CRISPLD2: variants seen among roughly 807,000 people sequenced by gnomAD.
CRISPLD2 encodes cysteine rich secretory protein LCCL domain containing 2, also known as cysteine-rich secretory protein LCCL domain-containing 2.
In CRISPLD2, 47 loss-of-function variants were observed where a neutral mutation model predicts 71.1. The observed-to-expected ratio is 0.66, with a 90% CI of 0.52 to 0.84. CRISPLD2 has a LOEUF of 0.84. Ranked by LOEUF, CRISPLD2 falls within the 40% of genes least tolerant of loss-of-function variation. CRISPLD2 has a pLI of 0.00. For missense variants in CRISPLD2, 830 were observed against 651.1 expected (o/e 1.27, Z -2.99); for synonymous variants, 317 against 250.1 (o/e 1.27, Z -2.52).
At chr16:84,856,399 G>A (rs2143236637) in intron 6 of CRISPLD2, among the ~76,000 whole-genome samples, 1 of 152,280 alleles carries the variant, frequency 6.6e-6, no homozygotes, top group African/African-American at 2.4e-5. Context: ...GGGAGGAGGA[G>A]CCCAAAGTGT....
At chr16:84,839,326 G>C (rs934569343) in intron 2 of CRISPLD2, 1 of 255,780 alleles carries the variant, frequency 3.9e-6, no homozygotes, top group Admixed American at 5.2e-5. Flanking sequence ...GCAGAGTGGG[G>C]AGGGGCCCAG....
intron 1 of CRISPLD2, chr16:84,828,385 C>T (rs1427155470): frequency 1.3e-5 from 2 of 152,318 alleles, no homozygotes; most frequent in South Asian, 2.1e-4. Context: ...CTCAGGGCCT[C>T]ATGCATGAGT....
intron 6 of CRISPLD2, among the ~76,000 whole-genome samples, chr16:84,860,869 C>G (rs1374017434): frequency 6.6e-6 from 1 of 152,194 alleles, no homozygotes; most frequent in Non-Finnish European, 1.5e-5. Context: ...GGAGATAAGA[C>G]TCACTCATGA....
intron 2 of CRISPLD2, among the ~76,000 whole-genome samples, chr16:84,840,697 G>A (rs949659289): frequency 2.6e-5 from 4 of 151,872 alleles, no homozygotes; most frequent in African/African-American, 7.3e-5. Flanking sequence ...TATTAGAGAC[G>A]GGGTTTCACC....
At chr16:84,863,964 A>C (rs1917463351) in intron 6 of CRISPLD2, among the ~76,000 whole-genome samples, 1 of 150,166 alleles carries the variant, frequency 6.7e-6, no homozygotes, top group African/African-American at 2.5e-5. Context: ...TCTCAAAAAA[A>C]AAAAAAAAAA....
At chr16:84,845,496 G>A (rs1916887522) in intron 2 of CRISPLD2, among the ~76,000 whole-genome samples, 1 of 152,212 alleles carries the variant, frequency 6.6e-6, no homozygotes, top group Non-Finnish European at 1.5e-5. Flanking sequence ...TACCCTCAGA[G>A]GTCACTCAGC....
At position 84,850,463 on chromosome 16, in the gene CRISPLD2, A is replaced by G. The variant is rs112959518; in HGVS notation, c.493-105A>G. 1,410 of 842,270 alleles carry G rather than the reference A, an allele frequency of 1.7e-3. 14 individuals carry two copies. The African/African-American group carries it at 0.021, about 12-fold the overall frequency. 52.2% of individuals were successfully genotyped at this position (842,270 alleles called of 1,614,324 possible). On this transcript the variant is annotated intron_variant, in intron 4 of 14. Transcript: ENST00000262424. ...CTAATATCTGCTTCCCCAACCCTTC[A>G]CCTCGTACCTCTTTAGTGCCAGCAC... is the stretch of plus-strand genomic sequence containing the variant.
chr16:84,863,907 A>C lies in CRISPLD2; in HGVS notation c.710-2990A>C, dbSNP rs143240096. 4.9e-3 allele frequency among the ~76,000 whole-genome samples: 715 copies of C among 146,606 alleles called. 5 individuals are homozygous for C. The highest frequency in any genetic ancestry group is 0.017 in the African/African-American group (660 of 39,226). ...GGGCGGCGGAGGTTGCAGTGAGCCG[A>C]GATCACACCATTGCACTCCAGCCTG... On this transcript the variant is annotated intron_variant, in intron 6 of 14. Transcript: ENST00000262424.
At chr16:84,850,492 A>G in intron 4 of CRISPLD2, 76 bp from the exon 5 acceptor site, 2 of 1,206,720 alleles carry the variant, frequency 1.7e-6, no homozygotes, top group East Asian at 2.3e-5. Context: ...CCAGCACCTT[A>G]TACATCCAGG....
At chr16:84,903,727 G>C (rs767189425) in intron 14 of CRISPLD2, among the ~76,000 whole-genome samples, 9 of 152,218 alleles carry the variant, frequency 5.9e-5, no homozygotes, top group Non-Finnish European at 1.3e-4. Context: ...TGCCAAAGCA[G>C]GATGCATGGG....
Position 84,908,610 on chromosome 16 carries a change from C to T in CRISPLD2, c.*1968C>T, listed in dbSNP as rs1204211542. ...CATTTAAAAATAAAGTCCCCGGGTT[C>T]CTTAATGCCTCCTTCACTGGGCCTT... On this transcript the variant is annotated 3_prime_UTR_variant, in exon 15 of 15. Transcript: ENST00000262424. The T allele has an allele frequency of 6.6e-6, 1 of 151,862 alleles. No homozygotes were observed. Among genetic ancestry groups the T allele is most frequent in the Non-Finnish European group, 1.5e-5 (1 of 68,000 alleles). The allele number at this position is 151,862 out of a possible 1,614,324, so 9.4% of individuals were successfully genotyped here.
chr16:84,838,953 A>G (rs1312167637), intron 2 of CRISPLD2: 4 of 708,658 alleles, frequency 5.6e-6, no homozygotes, highest in Admixed American at 2.0e-5. Context: ...CAATGGCACA[A>G]TCGTCATGCC....
At chr16:84,869,075 A>C (rs576316439) in intron 8 of CRISPLD2, among the ~76,000 whole-genome samples, 164 bp downstream of exon 8, 1 of 152,296 alleles carries the variant, frequency 6.6e-6, no homozygotes, top group East Asian at 1.9e-4. Context: ...GTGTCTGGGC[A>C]TGTGTTCGCC....
At chr16:84,880,906 T>C (rs1021150271) in intron 13 of CRISPLD2, among the ~76,000 whole-genome samples, 1 of 152,106 alleles carries the variant, frequency 6.6e-6, no homozygotes, top group Non-Finnish European at 1.5e-5. Flanking sequence ...GGTTTCACCA[T>C]GTTGGCCAGG....
Position 84,846,030 on chromosome 16 carries a change from A to G in CRISPLD2, c.359+126A>G, listed in dbSNP as rs554013174. ...GAGAGAGACCACCCGTCCCATCGATATTCTGGGAAACTGAGGCTTGGCATC... is the reference window on the plus strand; with the variant it reads ...GAGAGAGACCACCCGTCCCATCGATGTTCTGGGAAACTGAGGCTTGGCATC... On this transcript the variant is annotated intron_variant, in intron 3 of 14. Transcript: ENST00000262424. 8 of 605,682 alleles carry G rather than the reference A, an allele frequency of 1.3e-5. No individual in the cohort carries two copies. In the East Asian group the frequency reaches 2.3e-4, roughly 18 times the overall value. The allele number at this position is 605,682 out of a possible 1,614,324, so 37.5% of individuals were successfully genotyped here.
chr16:84,850,682 A>T lies in CRISPLD2; in HGVS notation c.607A>T (p.Lys203Ter). ...AVYFVCNYSPKGNWIGEAPYK... is the reference protein window; with the variant it reads ...AVYFVCNYSP ...CTACTTTGTCTGCAATTATTCTCCA[A>T]AGTAAGACAAGTTGATGCCGTTGTA... The change falls in exon 5 of 15, where the codon AAG becomes TAG. Residue 203 changes from lysine to a stop codon, truncating the protein, a stop_gained and splice_region_variant. Transcript: ENST00000262424. LOFTEE classifies it high-confidence loss of function. 1 of 1,610,836 alleles carries T rather than the reference A, an allele frequency of 6.2e-7. No individual in the cohort carries two copies. The highest frequency in any genetic ancestry group is 1.1e-5 in the South Asian group (1 of 91,004).
intron 11 of CRISPLD2, among the ~76,000 whole-genome samples, chr16:84,876,697 G>T (rs1320294748): frequency 6.6e-6 from 1 of 151,740 alleles, no homozygotes; most frequent in Non-Finnish European, 1.5e-5. Context: ...GGAGGCTAAG[G>T]CAGGAGAATC....
Position 84,896,396 on chromosome 16 carries a change from A to G in CRISPLD2, c.1439+7033A>G, listed in dbSNP as rs181502352. 2.6e-5 allele frequency among the ~76,000 whole-genome samples: 4 copies of G among 152,260 alleles called. No homozygotes were observed. The East Asian group carries it at 7.7e-4, about 29-fold the overall frequency. ...AAAGACTATATATAGAGAGAGACAC[A>G]CACACACAGACACATACACATATAC... is the stretch of plus-strand genomic sequence containing the variant. On this transcript the variant is annotated intron_variant, in intron 14 of 14. Coordinates refer to ENST00000262424, the MANE Select transcript of CRISPLD2 (RefSeq NM_031476.4).
intron 5 of CRISPLD2, among the ~76,000 whole-genome samples, chr16:84,851,010 G>A (rs1273745851): frequency 6.6e-6 from 1 of 152,120 alleles, no homozygotes; most frequent in African/African-American, 2.4e-5. Flanking sequence ...TTCTCCTTAT[G>A]TTCTTTGCCA....
Sources: gnomAD v4.1 joint callset for allele counts (sites outside exome capture counted in the v4.1 genomes callset) on GRCh38, gnomAD v4.1.1 for gene constraint, MANE v1.5 for transcripts, NCBI Gene and HGNC (gene_info 2026-07-23, HGNC 2026-07-21) for gene names.